LAMC3: variants seen among roughly 807,000 people sequenced by gnomAD.
The protein encoded by LAMC3 is laminin subunit gamma 3.
In LAMC3, 128 loss-of-function variants were observed where a neutral mutation model predicts 173.8. That is an observed-to-expected ratio of 0.74 (90% CI 0.64 to 0.85). The LOEUF (loss-of-function observed/expected upper bound fraction) is 0.85, where lower values mean the gene tolerates loss of function less well. Ranked by LOEUF, LAMC3 falls within the 40% of genes least tolerant of loss-of-function variation. The pLI is 0.00. For synonymous variants in LAMC3, 897 were observed against 909.1 expected (o/e 0.99, Z 0.24); for missense variants, 2,022 against 2,156.0 (o/e 0.94, Z 1.23).
chr9:131,091,470 G>C, intron 27 of LAMC3, 67 bp from the exon 28 acceptor site: 1 of 1,547,194 alleles, frequency 6.5e-7, no homozygotes, highest in Non-Finnish European at 8.7e-7. Context: ...AGGCTCAGGG[G>C]CTGGGAGGTG....
At chr9:131,056,534 C>T (rs1000867062) in intron 11 of LAMC3, among the ~76,000 whole-genome samples, 3 of 149,530 alleles carry the variant, frequency 2.0e-5, no homozygotes, top group African/African-American at 4.9e-5. Context: ...GTGGCTCACA[C>T]ATGCAATCCC....
chr9:131,057,145 CAGGTGAGTCTCCTGGCACCCCATCCGA>C lies in LAMC3; in HGVS notation c.2158+2_2158+28del. The C allele has an allele frequency of 6.2e-7, 1 of 1,613,524 alleles. No individual in the cohort carries two copies. The highest frequency in any genetic ancestry group is 1.3e-5 in the African/African-American group (1 of 75,048). ...CAGCATGGCACCTGTGACCCCAACA[CAGGTGAGTCTCCTGGCACCCCATCCGA>C]AGGCACCTGGGTTATACCCAAAACA... On this transcript the variant is annotated splice_donor_variant and splice_donor_5th_base_variant and coding_sequence_variant and intron_variant, in exon 12 of 28. Transcript: ENST00000361069. LOFTEE classifies it high-confidence loss of function.
intron 18 of LAMC3, 36 bp from the exon 19 acceptor site, chr9:131,072,594 C>T (rs1415463753): frequency 1.9e-6 from 3 of 1,570,442 alleles, no homozygotes; most frequent in Non-Finnish European, 2.6e-6. Context: ...GACATCTCCA[C>T]CACTTTGTGA....
chr9:131,016,797 A>G (rs1166825450), intron 1 of LAMC3, among the ~76,000 whole-genome samples: 1 of 152,226 alleles, frequency 6.6e-6, no homozygotes, highest in African/African-American at 2.4e-5. Flanking sequence ...CAAAAAAAGA[A>G]AGACATCAAA....
chr9:131,013,106 G>A (rs1039529543), intron 1 of LAMC3, among the ~76,000 whole-genome samples: 2 of 152,210 alleles, frequency 1.3e-5, no homozygotes, highest in African/African-American at 4.8e-5. Context: ...TCGCCCAGGC[G>A]GCATCCCAAA....
chr9:131,015,613 C>T (rs1231295276), intron 1 of LAMC3, among the ~76,000 whole-genome samples: 1 of 152,162 alleles, frequency 6.6e-6, no homozygotes, highest in East Asian at 1.9e-4. Flanking sequence ...CCCCCGTGTG[C>T]AAAGGCTATG....
intron 12 of LAMC3, among the ~76,000 whole-genome samples, chr9:131,060,737 C>T (rs1829790935): frequency 6.6e-6 from 1 of 152,078 alleles, no homozygotes; most frequent in African/African-American, 2.4e-5. Context: ...TCTTGTTGGA[C>T]CCTGACGAGA....
At chr9:131,082,452 G>A (rs1830258340) in intron 24 of LAMC3, among the ~76,000 whole-genome samples, 1 of 152,172 alleles carries the variant, frequency 6.6e-6, no homozygotes, top group Non-Finnish European at 1.5e-5. Context: ...TGTTCAACCA[G>A]GTCAAGTCCA....
intron 16 of LAMC3, 85 bp from the exon 17 acceptor site, chr9:131,069,587 C>A: frequency 7.2e-7 from 1 of 1,392,414 alleles, no homozygotes; most frequent in South Asian, 1.2e-5. Context: ...GAACCCAGCA[C>A]GCACTGCCCC....
chr9:131,069,728 T>C lies in LAMC3; in HGVS notation c.2947T>C (p.Cys983Arg), dbSNP rs1802839483. ...GGCCCAGTGCCACGAGAACGGCACA[T>C]GCGTGTGCAGGCCTGGCTTCGAGGG... is the stretch of plus-strand genomic sequence containing the variant. ...ASAQCHENGT[C>R]VCRPGFEGYK... Residue 983 changes from cysteine (C) to arginine (R), a missense_variant, in exon 17 of 28, where the codon TGC (cysteine) becomes CGC (arginine). Physicochemically the swap from Cys to Arg is radical, Grantham distance 180 (BLOSUM62 -3). Transcript: ENST00000361069. 6 of 1,603,170 alleles carry C rather than the reference T, an allele frequency of 3.7e-6. No individual in the cohort carries two copies. The South Asian group carries it at 5.6e-5, about 15-fold the overall frequency.
chr9:131,052,941 G>A lies in LAMC3; in HGVS notation c.1915G>A (p.Val639Ile), dbSNP rs370174192. 29 of 1,613,232 alleles carry A rather than the reference G, an allele frequency of 1.8e-5. No individual in the cohort carries two copies. Among genetic ancestry groups the A allele is most frequent in the South Asian group, 7.7e-5 (7 of 91,074 alleles). ...LANLTSLRLR[V>I]SPGPSPAGPV... ...CAACCTGACCAGCCTCCGCCTCCGC[G>A]TCAGTCCCGGCCCCAGCCCTGCCGG... The change falls in exon 11 of 28, where the codon GTC (valine) becomes ATC (isoleucine). Residue 639 changes from valine (V) to isoleucine (I), a missense_variant. By Grantham distance (29) the Val-to-Ile change is conservative. Coordinates refer to ENST00000361069, the MANE Select transcript of LAMC3 (RefSeq NM_006059.4).
rs987256845 is a variant in LAMC3, at chr9:131,091,573, T to A, written c.4514T>A (p.Leu1505Gln). The change falls in exon 28 of 28, where the codon CTG becomes CAG. Residue 1505 changes from leucine to glutamine, a missense_variant. Transcript: ENST00000361069. ...ACCCATCAAGCCCCAGCCCAGGCCC[T>A]GAACGAGACTCAGTGGGCACTAGAA... ...LDTHQAPAQA[L>Q]NETQWALERL... 5 of 1,589,008 alleles carry A rather than the reference T, an allele frequency of 3.1e-6. No individual in the cohort carries two copies. The highest frequency in any genetic ancestry group is 4.3e-6 in the Non-Finnish European group (5 of 1,167,950).
chr9:131,038,877 T>C lies in LAMC3; in HGVS notation c.990T>C (p.Ser330=), dbSNP rs754801128. Residue 330 remains serine, a synonymous_variant, in exon 5 of 28, where the codon AGT becomes AGC. Coordinates refer to ENST00000361069, the MANE Select transcript of LAMC3 (RefSeq NM_006059.4). ...AAHECLPCNC[S]GRSEECTFDR... ...TCCTGCCCATAGCCTGCAACTGCAGTGGCCGCTCCGAGGAATGCACGTTTG... is the reference window on the plus strand; with the variant it reads ...TCCTGCCCATAGCCTGCAACTGCAGCGGCCGCTCCGAGGAATGCACGTTTG... 3 of 1,613,152 alleles carry C rather than the reference T, an allele frequency of 1.9e-6. No individual in the cohort carries two copies. Among genetic ancestry groups the C allele is most frequent in the East Asian group, 4.5e-5 (2 of 44,870 alleles).
At chr9:131,043,877 G>A (rs999529128) in intron 7 of LAMC3, among the ~76,000 whole-genome samples, 3 of 151,768 alleles carry the variant, frequency 2.0e-5, no homozygotes, top group Non-Finnish European at 2.9e-5. Flanking sequence ...ACATCTGTCC[G>A]TGGGTTCTTT....
At chr9:131,089,270 C>T (rs1830382484) in intron 27 of LAMC3, among the ~76,000 whole-genome samples, 1 of 151,138 alleles carries the variant, frequency 6.6e-6, no homozygotes, top group African/African-American at 2.4e-5. Context: ...CACATGTATA[C>T]ATATGTAACA....
In LAMC3 at chr9:131,032,055, C is replaced by T; in HGVS notation, c.689C>T (p.Thr230Ile). ...TCCCCTCTGCCCCAGGAGTGGGTCA[C>T]CAGCACCGAACTCCTCATCTCTCTA... Reference protein sequence around the residue: ...EESPGLQEWVTSTELLISLDR... With the variant: ...EESPGLQEWVISTELLISLDR... The change falls in exon 3 of 28, where the codon ACC (threonine) becomes ATC (isoleucine). Residue 230 changes from threonine (T) to isoleucine (I), a missense_variant. Physicochemically the swap from Thr to Ile is moderately conservative, Grantham distance 89. Transcript: ENST00000361069. The T allele has an allele frequency of 6.2e-7, 1 of 1,614,066 alleles. No homozygotes were observed. Among genetic ancestry groups the T allele is most frequent in the Non-Finnish European group, 8.5e-7 (1 of 1,179,992 alleles).
Position 131,029,168 on chromosome 9 carries a change from C to T in LAMC3, c.678+2579C>T, listed in dbSNP as rs1203339886. On this transcript the variant is annotated intron_variant, in intron 2 of 27. Transcript: ENST00000361069. The surrounding 1 kb of genome is among the most constrained non-coding windows in gnomAD (Gnocchi z 4.6). ...GAGGGACATCCAAGGATATGGAGGT[C>T]ACTCCCCTGGATCCAGGGCAAAGGG... Among the ~76,000 whole-genome samples the T allele has an allele frequency of 6.6e-6, 1 of 152,254 alleles. No individual in the cohort carries two copies. The highest frequency in any genetic ancestry group is 2.4e-5 in the African/African-American group (1 of 41,472).
Position 131,092,292 on chromosome 9 carries a change from G to T in LAMC3, c.*505G>T, listed in dbSNP as rs1830440171. ...CAGCAGATCTGCAGAGATCAAGGGGGTCAGCAACAGCCAAAGCCCCTAGTC... is the reference window on the plus strand; with the variant it reads ...CAGCAGATCTGCAGAGATCAAGGGGTTCAGCAACAGCCAAAGCCCCTAGTC... On this transcript the variant is annotated 3_prime_UTR_variant, in exon 28 of 28. Coordinates refer to ENST00000361069, the MANE Select transcript of LAMC3 (RefSeq NM_006059.4). 1 of 179,224 alleles carries T rather than the reference G, an allele frequency of 5.6e-6. No homozygotes were observed. Among genetic ancestry groups the T allele is most frequent in the Admixed American group, 5.4e-5 (1 of 18,442 alleles). 11.1% of individuals were successfully genotyped at this position (179,224 alleles called of 1,614,324 possible).
chr9:131,066,892 C>T (rs1275994871), intron 13 of LAMC3, 68 bp from the exon 14 acceptor site: 40 of 1,588,622 alleles, frequency 2.5e-5, no homozygotes, highest in Non-Finnish European at 3.4e-5. Flanking sequence ...TGCTCTGCTT[C>T]ACACCCACCC....
Sources: gnomAD v4.1 joint callset for allele counts (sites outside exome capture counted in the v4.1 genomes callset) on GRCh38, gnomAD v4.1.1 for gene constraint, Gnocchi (gnomAD v3.1) non-coding constraint, MANE v1.5 for transcripts, NCBI Gene and HGNC (gene_info 2026-07-23, HGNC 2026-07-21) for gene names.